Variants in DSCAML1 observed in about 807,000 individuals in gnomAD.
DSCAML1 encodes the protein DS cell adhesion molecule like 1, also known as cell adhesion molecule DSCAML1.
A neutral mutation model predicts 200.5 loss-of-function variants in DSCAML1; 38 were observed. That is an observed-to-expected ratio of 0.19 (90% confidence interval 0.15 to 0.25). The LOEUF (loss-of-function observed/expected upper bound fraction) is 0.25. DSCAML1 is among the 10% of genes least tolerant of loss of function. The pLI is 1.00. For synonymous variants in DSCAML1, 1,215 were observed against 1,165.0 expected (o/e 1.04, Z -0.87); for missense variants, 2,223 against 2,858.8 (o/e 0.78, Z 5.07).
chr11:117,732,736 G>A (rs916839816), intron 3 of DSCAML1, among the ~76,000 whole-genome samples: 1 of 152,144 alleles, frequency 6.6e-6, no homozygotes, highest in African/African-American at 2.4e-5. Context: ...GCACAGTGAC[G>A]ACTGCCCAGC....
At chr11:117,461,201 C>T (rs796784835) in intron 18 of DSCAML1, among the ~76,000 whole-genome samples, 1 of 152,106 alleles carries the variant, frequency 6.6e-6, no homozygotes, top group African/African-American at 2.4e-5. Context: ...ACCACCCCCC[C>T]ACCTTGCTCC....
chr11:117,678,862 G>A (rs1310605027), intron 3 of DSCAML1, among the ~76,000 whole-genome samples: 1 of 152,264 alleles, frequency 6.6e-6, no homozygotes, highest in African/African-American at 2.4e-5. Context: ...TCGGAATGGG[G>A]CAACAGCCAA....
intron 8 of DSCAML1, among the ~76,000 whole-genome samples, chr11:117,507,400 CG>C (rs2049522656): frequency 6.6e-6 from 1 of 152,202 alleles, no homozygotes; most frequent in Non-Finnish European, 1.5e-5. Context: ...CATGGCCCTC[CG>C]CCCTCAGGGC....
rs1263752227 is a variant in DSCAML1, at chr11:117,505,782, GGCC to G, written c.1784-53_1784-51del. ...GTCAGGACCCTGTGCATTCTCACCT[GGCC>G]GCCAACGCCGCCTCACCTGCCTTAC... On this transcript the variant is annotated intron_variant, in intron 8 of 32. Coordinates refer to ENST00000651296, the MANE Select transcript of DSCAML1 (RefSeq NM_020693.4). The surrounding 1 kb of genome is among the most constrained non-coding windows in gnomAD (Gnocchi z 6.7). 9 of 1,563,184 alleles carry G rather than the reference GGCC, an allele frequency of 5.8e-6. No individual in the cohort carries two copies. The African/African-American group carries it at 8.1e-5, about 14-fold the overall frequency.
intron 8 of DSCAML1, among the ~76,000 whole-genome samples, chr11:117,512,781 A>ACACACACACC (rs1565753984): frequency 6.7e-6 from 1 of 148,858 alleles, no homozygotes; most frequent in African/African-American, 2.5e-5. Flanking sequence ...ACACACACAC[A>ACACACACACC]CACACACACA....
At chr11:117,579,559 C>T (rs1591288620) in intron 3 of DSCAML1, among the ~76,000 whole-genome samples, 2 of 152,214 alleles carry the variant, frequency 1.3e-5, no homozygotes, top group African/African-American at 4.8e-5. Flanking sequence ...CCTGACCACC[C>T]GATTCAAAGT....
intron 19 of DSCAML1, among the ~76,000 whole-genome samples, chr11:117,456,610 GTTCT>G (rs1165960405): frequency 1.3e-5 from 2 of 151,578 alleles, no homozygotes; most frequent in Admixed American, 1.3e-4. Flanking sequence ...CTGACACTGG[GTTCT>G]TTGTGGCCTG....
intron 3 of DSCAML1, among the ~76,000 whole-genome samples, chr11:117,672,086 G>C (rs1035022049): frequency 1.1e-4 from 15 of 131,134 alleles, no homozygotes; most frequent in Non-Finnish European, 2.0e-4. Flanking sequence ...GGGCGACAGA[G>C]CGAGACTCCA....
At chr11:117,799,352 C>T (rs900603893), upstream of DSCAML1, among the ~76,000 whole-genome samples, 4 of 152,264 alleles carry the variant, frequency 2.6e-5, no homozygotes, top group East Asian at 1.9e-4. Context: ...CCTGGGGTAG[C>T]GGCACAGCTG....
intron 15 of DSCAML1, 43 bp downstream of exon 15, chr11:117,471,826 A>C: frequency 6.3e-7 from 1 of 1,580,726 alleles, no homozygotes; most frequent in South Asian, 1.1e-5. Context: ...GGTGGTCCTG[A>C]TCCCTGAGGC....
At chr11:117,616,483 C>T (rs1374229331) in intron 3 of DSCAML1, among the ~76,000 whole-genome samples, 2 of 152,200 alleles carry the variant, frequency 1.3e-5, no homozygotes, top group Non-Finnish European at 2.9e-5. Context: ...GAATATAGCA[C>T]AGTGTGTTTT....
chr11:117,726,797 G>T lies in DSCAML1; in HGVS notation c.511+49994C>A, dbSNP rs188498754. 2.6e-5 allele frequency among the ~76,000 whole-genome samples: 4 copies of T among 152,262 alleles called. No homozygotes were observed. In the East Asian group the frequency reaches 7.7e-4, roughly 29 times the overall value. ...CCCAGCATGGAGAGGTGCTTTGGTAGTGATCGCGGGAGAATGAGCTTGGAT... is the reference window on the plus strand; with the variant it reads ...CCCAGCATGGAGAGGTGCTTTGGTATTGATCGCGGGAGAATGAGCTTGGAT... On this transcript the variant is annotated intron_variant, in intron 3 of 32. Coordinates refer to ENST00000651296, the MANE Select transcript of DSCAML1 (RefSeq NM_020693.4).
chr11:117,441,833 A>T (rs998259294), intron 21 of DSCAML1, among the ~76,000 whole-genome samples: 1 of 152,136 alleles, frequency 6.6e-6, no homozygotes, highest in African/African-American at 2.4e-5. Context: ...AGAGGGGTCC[A>T]CATGAAGACG....
chr11:117,622,840 C>A (rs773866646), intron 3 of DSCAML1, among the ~76,000 whole-genome samples: 6 of 152,126 alleles, frequency 3.9e-5, no homozygotes, highest in Non-Finnish European at 4.4e-5. Flanking sequence ...CTAAAGGATC[C>A]TACGGGTAAC....
upstream of DSCAML1, among the ~76,000 whole-genome samples, chr11:117,799,307 G>A (rs573026374): frequency 3.3e-5 from 5 of 152,350 alleles, no homozygotes; most frequent in East Asian, 9.7e-4. Flanking sequence ...CAGGATGAAA[G>A]GGGCTGCTGT....
At chr11:117,694,301 G>A (rs1249237210) in intron 3 of DSCAML1, among the ~76,000 whole-genome samples, 2 of 151,644 alleles carry the variant, frequency 1.3e-5, no homozygotes, top group East Asian at 1.9e-4. Flanking sequence ...TACTTGGGAG[G>A]CTGAGGCAGT....
chr11:117,479,103 T>G lies in DSCAML1; in HGVS notation c.2785+1340A>C, dbSNP rs1426134264. Among the ~76,000 whole-genome samples the G allele has an allele frequency of 2.0e-5, 3 of 152,358 alleles. No homozygotes were observed. The East Asian group carries it at 5.8e-4, about 29-fold the overall frequency. ...CTCACTCACCAACACTTGCTGAGCATCTACCATGTGGCTGGGCCCTGTGCC... is the reference window on the plus strand; with the variant it reads ...CTCACTCACCAACACTTGCTGAGCAGCTACCATGTGGCTGGGCCCTGTGCC... On this transcript the variant is annotated intron_variant, in intron 14 of 32. Coordinates refer to ENST00000651296, the MANE Select transcript of DSCAML1 (RefSeq NM_020693.4).
At chr11:117,711,908 C>T (rs1164323737) in intron 3 of DSCAML1, among the ~76,000 whole-genome samples, 2 of 152,128 alleles carry the variant, frequency 1.3e-5, no homozygotes, top group Admixed American at 6.5e-5. Context: ...TTTGAATCTC[C>T]ACTTATTACT....
At chr11:117,623,838 C>T (rs2051989131) in intron 3 of DSCAML1, among the ~76,000 whole-genome samples, 1 of 152,172 alleles carries the variant, frequency 6.6e-6, no homozygotes, top group South Asian at 2.1e-4. Flanking sequence ...AGACTTGAAC[C>T]CAAGTCTTCT....
Sources: gnomAD v4.1 joint callset for allele counts (sites outside exome capture counted in the v4.1 genomes callset) on GRCh38, gnomAD v4.1.1 for gene constraint, Gnocchi (gnomAD v3.1) non-coding constraint, MANE v1.5 for transcripts, NCBI Gene and HGNC (gene_info 2026-07-23, HGNC 2026-07-21) for gene names.